The following BANK1 variants were observed in gnomAD, a reference collection of about 807,000 sequenced individuals.
BANK1 encodes the protein B cell scaffold protein with ankyrin repeats 1.
In BANK1, 95 loss-of-function variants were observed where a neutral mutation model predicts 94.5. The ratio of observed to expected loss-of-function variants is 1.00; its 90% CI spans 0.85 to 1.19. The LOEUF (loss-of-function observed/expected upper bound fraction) is 1.19. Among genes scored for constraint, BANK1 ranks in the 50% most tolerant of loss-of-function variants. The probability of loss-of-function intolerance (pLI) is 0.00; values close to 1 mark genes in which losing one functional copy is unlikely to be tolerated. For synonymous variants in BANK1, 334 were observed against 308.4 expected (o/e 1.08, Z -0.87); for missense variants, 987 against 932.2 (o/e 1.06, Z -0.77).
intron 10 of BANK1, among the ~76,000 whole-genome samples, chr4:102,033,467 TATTA>T (rs1429486793): frequency 1.3e-5 from 2 of 152,298 alleles, no homozygotes; most frequent in Middle Eastern, 3.4e-3. Context: ...TAAGTTTATT[TATTA>T]GTTACATAAA....
At chr4:101,941,056 A>G (rs929672190) in intron 7 of BANK1, among the ~76,000 whole-genome samples, 23 of 151,794 alleles carry the variant, frequency 1.5e-4, no homozygotes, top group Admixed American at 1.3e-3. Flanking sequence ...TCATTTATTT[A>G]TATCTGTATG....
At chr4:102,032,910 T>A (rs1260810858) in intron 10 of BANK1, among the ~76,000 whole-genome samples, 1 of 145,762 alleles carries the variant, frequency 6.9e-6, no homozygotes, top group East Asian at 2.0e-4. Context: ...AAAAAAAAAA[T>A]GAAGCACCAA....
intron 7 of BANK1, among the ~76,000 whole-genome samples, chr4:101,953,541 T>TA (rs200653603): frequency 1.9e-3 from 278 of 143,748 alleles, no homozygotes; most frequent in Middle Eastern, 7.0e-3. Context: ...ATCTATTTAG[T>TA]AAAAAAAAAA....
At chr4:101,995,671 T>A (rs372628158) in intron 7 of BANK1, among the ~76,000 whole-genome samples, 1 of 152,236 alleles carries the variant, frequency 6.6e-6, no homozygotes, top group East Asian at 1.9e-4. Context: ...ATTGTGATTT[T>A]GGTTTGCATT....
chr4:101,829,781 A>G (rs760243205), intron 1 of BANK1, 27 bp from the exon 2 acceptor site: 5 of 1,425,368 alleles, frequency 3.5e-6, no homozygotes, highest in South Asian at 1.5e-5. Context: ...CATTGCAAAT[A>G]TAAGAAAATA....
At chr4:101,885,889 C>T (rs1728834947) in intron 5 of BANK1, among the ~76,000 whole-genome samples, 1 of 152,178 alleles carries the variant, frequency 6.6e-6, no homozygotes. Context: ...TCCTAGACCT[C>T]AAACGTGTAT....
chr4:101,834,329 A>G (rs1204247555), intron 2 of BANK1, among the ~76,000 whole-genome samples: 4 of 152,324 alleles, frequency 2.6e-5, no homozygotes, highest in East Asian at 1.9e-4. Flanking sequence ...TTCTTAGAGT[A>G]ACTTAGATGT....
chr4:101,880,290 C>T (rs1053862589), intron 5 of BANK1, among the ~76,000 whole-genome samples: 1 of 151,632 alleles, frequency 6.6e-6, no homozygotes, highest in Non-Finnish European at 1.5e-5. Context: ...TTCTGTATGC[C>T]AACAGTGAAC....
At chr4:101,832,054 G>A (rs962698547) in intron 2 of BANK1, among the ~76,000 whole-genome samples, 2 of 152,184 alleles carry the variant, frequency 1.3e-5, no homozygotes, top group Non-Finnish European at 2.9e-5. Flanking sequence ...TCATTCCTGA[G>A]GAAGGTGCCT....
chr4:101,862,706 G>T, intron 4 of BANK1, 42 bp downstream of exon 4: 2 of 1,506,304 alleles, frequency 1.3e-6, no homozygotes, highest in Non-Finnish European at 1.8e-6. Flanking sequence ...ACATTATCCT[G>T]AGTTCCTTCC....
intron 7 of BANK1, among the ~76,000 whole-genome samples, chr4:102,005,422 TG>T (rs1197507759): frequency 3.9e-5 from 6 of 152,228 alleles, no homozygotes; most frequent in Non-Finnish European, 4.4e-5. Context: ...GTTATGGATA[TG>T]AATCATTAAT....
At chr4:101,839,698 CAT>C (rs1726958832) in intron 2 of BANK1, among the ~76,000 whole-genome samples, 1 of 152,044 alleles carries the variant, frequency 6.6e-6, no homozygotes. Flanking sequence ...TTGTCTGAAT[CAT>C]TGCTTCATTA....
intron 10 of BANK1, among the ~76,000 whole-genome samples, chr4:102,033,562 G>C (rs531326971): frequency 3.3e-4 from 51 of 152,246 alleles, no homozygotes; most frequent in African/African-American, 1.2e-3. Context: ...TGTCCTGTAG[G>C]TATATGCACA....
At chr4:101,903,299 C>A (rs1722342570) in intron 6 of BANK1, among the ~76,000 whole-genome samples, 1 of 152,112 alleles carries the variant, frequency 6.6e-6, no homozygotes, top group Admixed American at 6.5e-5. Flanking sequence ...ATGGGTTTGG[C>A]AAGTAAGACT....
intron 7 of BANK1, among the ~76,000 whole-genome samples, chr4:101,983,265 C>T (rs1443678452): frequency 1.3e-5 from 2 of 151,974 alleles, no homozygotes; most frequent in Non-Finnish European, 2.9e-5. Context: ...GACATTTAGC[C>T]ATATTATATG....
chr4:101,884,270 A>G (rs1467797172), intron 5 of BANK1, among the ~76,000 whole-genome samples: 1 of 152,182 alleles, frequency 6.6e-6, no homozygotes, highest in African/African-American at 2.4e-5. Flanking sequence ...TTCCTAATAA[A>G]TCCAATGGAC....
chr4:102,019,441 G>C (rs1422406254), intron 7 of BANK1, among the ~76,000 whole-genome samples: 1 of 152,176 alleles, frequency 6.6e-6, no homozygotes, highest in African/African-American at 2.4e-5. Flanking sequence ...ACATTATTCT[G>C]ATTTAATTCT....
chr4:101,797,285 G>GGTTAC (rs1201349817), intron 1 of BANK1, among the ~76,000 whole-genome samples: 2 of 152,110 alleles, frequency 1.3e-5, no homozygotes, highest in East Asian at 3.8e-4. Context: ...GATGTGACAA[G>GGTTAC]GTTACACTCA....
intron 4 of BANK1, among the ~76,000 whole-genome samples, chr4:101,870,013 C>T (rs1728224975): frequency 6.6e-6 from 1 of 151,950 alleles, no homozygotes; most frequent in South Asian, 2.1e-4. Flanking sequence ...CTTGCCTTTC[C>T]CAGGATTTTT....
Sources: gnomAD v4.1 joint callset for allele counts (sites outside exome capture counted in the v4.1 genomes callset) on GRCh38, gnomAD v4.1.1 for gene constraint, MANE v1.5 for transcripts, NCBI Gene and HGNC (gene_info 2026-07-23, HGNC 2026-07-21) for gene names.